Variants in CBR4 observed in about 807,000 individuals in gnomAD.
CBR4 encodes the protein 3-oxoacyl-[acyl-carrier-protein] reductase.
Under a neutral mutation model 21.0 loss-of-function variants are expected in CBR4, and 22 were observed. The observed-to-expected ratio is 1.05, with a 90% CI of 0.75 to 1.50. The LOEUF (loss-of-function observed/expected upper bound fraction) is 1.50. CBR4 is among the 40% of genes most tolerant of loss of function. The probability of loss-of-function intolerance (pLI) is 0.00; values close to 1 mark genes in which losing one functional copy is unlikely to be tolerated. For synonymous variants in CBR4, 100 were observed against 104.4 expected, an observed-to-expected ratio of 0.96 and a Z score of 0.26; for missense variants, 302 against 286.3, an observed-to-expected ratio of 1.05 and a Z score of -0.40.
chr4:168,953,430 T>A (rs1763599817), intron 2 of CBR4, among the ~76,000 whole-genome samples: 1 of 152,150 alleles, frequency 6.6e-6, no homozygotes, highest in East Asian at 1.9e-4. Flanking sequence ...TGCATTTTTT[T>A]TTTTGGTTTT....
chr4:168,953,474 G>A (rs1763603186), intron 2 of CBR4, among the ~76,000 whole-genome samples: 1 of 151,942 alleles, frequency 6.6e-6, no homozygotes. Context: ...TGCCTTTGCA[G>A]TGGCACAATC....
chr4:169,003,231 C>A (rs1339287903), intron 3 of CBR4, among the ~76,000 whole-genome samples: 1 of 152,158 alleles, frequency 6.6e-6, no homozygotes, highest in Non-Finnish European at 1.5e-5. Context: ...TTCTATATGC[C>A]ATTCAGAACA....
intron 4 of CBR4, 111 bp downstream of exon 4, chr4:169,001,959 CA>C: frequency 9.6e-7 from 1 of 1,046,642 alleles, no homozygotes; most frequent in Non-Finnish European, 1.3e-6. Context: ...ATTCTTTTCA[CA>C]ATCATTTTAC....
At chr4:168,977,187 G>A (rs954316692) in intron 2 of CBR4, among the ~76,000 whole-genome samples, 5 of 151,876 alleles carry the variant, frequency 3.3e-5, no homozygotes, top group African/African-American at 1.2e-4. Flanking sequence ...CATTAGTCCT[G>A]TCTCCTATCT....
intron 3 of CBR4, chr4:169,006,022 G>T: frequency 1.5e-6 from 1 of 654,638 alleles, no homozygotes; most frequent in Non-Finnish European, 2.4e-6. Flanking sequence ...AAGTTCTACA[G>T]GCATATACTC....
intron 2 of CBR4, among the ~76,000 whole-genome samples, chr4:168,973,761 G>A (rs1431233778): frequency 6.6e-6 from 1 of 152,100 alleles, no homozygotes; most frequent in African/African-American, 2.4e-5. Context: ...TTTCTTCCTG[G>A]TTTAATCTAC....
intron 2 of CBR4, among the ~76,000 whole-genome samples, chr4:168,963,331 T>C (rs1007875036): frequency 6.6e-6 from 1 of 152,140 alleles, no homozygotes; most frequent in Non-Finnish European, 1.5e-5. Context: ...TTCAAAAAGG[T>C]GGGTAACTGT....
intron 2 of CBR4, among the ~76,000 whole-genome samples, chr4:168,953,635 G>T (rs893796164): frequency 6.6e-6 from 1 of 151,402 alleles, no homozygotes; most frequent in Non-Finnish European, 1.5e-5. Context: ...TGTTGCCCAG[G>T]TTGGTCTCGA....
In CBR4 at chr4:169,009,023, G is replaced by A. The variant is rs1448194125; in HGVS notation, c.142+925C>T. ...CTCTAGAGCCAGTAAATCAGGAGTTGGGGTCCAGCACGGGCAACATAATGG... is the reference window on the plus strand; with the variant it reads ...CTCTAGAGCCAGTAAATCAGGAGTTAGGGTCCAGCACGGGCAACATAATGG... On this transcript the variant is annotated intron_variant, in intron 1 of 4. Coordinates refer to ENST00000306193, the MANE Select transcript of CBR4 (RefSeq NM_032783.5). 4 of 452,792 alleles carry A rather than the reference G, an allele frequency of 8.8e-6. No homozygotes were observed. The Admixed American group carries it at 9.5e-5, about 11-fold the overall frequency. 28.0% of individuals were successfully genotyped at this position (452,792 alleles called of 1,614,324 possible).
intron 2 of CBR4, among the ~76,000 whole-genome samples, chr4:168,936,659 T>C (rs571346187): frequency 1.3e-5 from 2 of 152,100 alleles, no homozygotes; most frequent in East Asian, 1.9e-4. Flanking sequence ...AACAGCTGAA[T>C]CGATCAAGTG....
At chr4:168,990,383 A>T in intron 4 of CBR4, 55 bp from the exon 5 acceptor site, 1 of 1,330,328 alleles carries the variant, frequency 7.5e-7, no homozygotes, top group Non-Finnish European at 9.8e-7. Flanking sequence ...ACATCTGCTG[A>T]ATTTCAAAAA....
intron 2 of CBR4, chr4:168,926,166 C>A (rs1317282302): frequency 2.8e-5 from 39 of 1,401,178 alleles, no homozygotes; most frequent in Non-Finnish European, 3.5e-5. Context: ...AAAGGCTTTC[C>A]AAGTATATCT....
intron 2 of CBR4, among the ~76,000 whole-genome samples, chr4:168,934,854 C>T (rs1421967190): frequency 1.3e-5 from 2 of 152,104 alleles, no homozygotes; most frequent in East Asian, 3.9e-4. Flanking sequence ...AATTTTGACA[C>T]CAAAACCAGA....
intron 3 of CBR4, among the ~76,000 whole-genome samples, chr4:169,002,512 T>C (rs1232697363): frequency 6.6e-6 from 1 of 152,202 alleles, no homozygotes; most frequent in Non-Finnish European, 1.5e-5. Context: ...AGGTCAGATA[T>C]GATGAAAATT....
At chr4:168,896,611 C>G in intron 2 of CBR4, 2 of 1,439,512 alleles carry the variant, frequency 1.4e-6, no homozygotes, top group Non-Finnish European at 1.9e-6. Context: ...TTAAGCTTTT[C>G]ACCTTTCTTC....
At chr4:169,006,925 T>C (rs553991802) in intron 2 of CBR4, 34 bp from the exon 3 acceptor site, 8 of 1,572,166 alleles carry the variant, frequency 5.1e-6, no homozygotes, top group East Asian at 2.2e-5. Flanking sequence ...TAGCATATAA[T>C]AACAAGATAA....
At chr4:168,952,405 GC>G (rs2126705498) in intron 2 of CBR4, among the ~76,000 whole-genome samples, 1 of 152,122 alleles carries the variant, frequency 6.6e-6, no homozygotes, top group African/African-American at 2.4e-5. Flanking sequence ...CCTCCTGAAT[GC>G]TTTCTGGGGT....
At chr4:168,973,819 A>C (rs1764287377) in intron 2 of CBR4, among the ~76,000 whole-genome samples, 1 of 152,108 alleles carries the variant, frequency 6.6e-6, no homozygotes, top group Non-Finnish European at 1.5e-5. Context: ...TAGGTTTTCT[A>C]GTTTGTGTGC....
At chr4:168,994,484 T>C (rs1765085739) in intron 4 of CBR4, among the ~76,000 whole-genome samples, 2 of 152,228 alleles carry the variant, frequency 1.3e-5, no homozygotes, top group South Asian at 4.1e-4. Context: ...CCAACAGTCA[T>C]GTACTATCTG....
Sources: gnomAD v4.1 joint callset for allele counts (sites outside exome capture counted in the v4.1 genomes callset) on GRCh38, gnomAD v4.1.1 for gene constraint, MANE v1.5 for transcripts, NCBI Gene and HGNC (gene_info 2026-07-23, HGNC 2026-07-21) for gene names.